The following CNTN5 variants were observed in gnomAD, a reference collection of about 807,000 sequenced individuals.
The protein encoded by CNTN5 is contactin-5.
A neutral mutation model predicts 129.1 loss-of-function variants in CNTN5; 77 were observed. The ratio of observed to expected loss-of-function variants is 0.60; its 90% CI spans 0.50 to 0.72. CNTN5 has a LOEUF of 0.72. Among genes scored for constraint, CNTN5 ranks in the 30% least tolerant of loss-of-function variants. CNTN5 has a pLI of 0.00. For missense variants in CNTN5, 1,478 were observed against 1,328.8 expected, an observed-to-expected ratio of 1.11 and a Z score of -1.75; for synonymous variants, 509 against 465.6, an observed-to-expected ratio of 1.09 and a Z score of -1.20.
chr11:100,021,245 ATT>A (rs1351203008), intron 9 of CNTN5, among the ~76,000 whole-genome samples: 1 of 152,112 alleles, frequency 6.6e-6, no homozygotes, highest in Non-Finnish European at 1.5e-5. Context: ...AATTTGTTGT[ATT>A]TTGGTAAATG....
intron 2 of CNTN5, among the ~76,000 whole-genome samples, chr11:99,477,126 G>A (rs1197747134): frequency 6.6e-6 from 1 of 151,504 alleles, no homozygotes; most frequent in Non-Finnish European, 1.5e-5. Context: ...AAAATATTTA[G>A]TTAATATCCT....
Position 99,575,593 on chromosome 11 carries a change from T to C in CNTN5, c.55+19324T>C, listed in dbSNP as rs76871937. Among the ~76,000 whole-genome samples, 656 of 152,270 alleles carry C rather than the reference T, an allele frequency of 4.3e-3. 28 individuals carry two copies. In the East Asian group the frequency reaches 0.098, roughly 23 times the overall value. ...GTAAGAGCATAGAAACTAGATTCTG[T>C]TTTCCAAAGTAAGTTGATAAAAGCT... On this transcript the variant is annotated intron_variant, in intron 3 of 24. Transcript: ENST00000524871.
chr11:99,149,497 A>G lies in CNTN5; in HGVS notation c.-210+128227A>G, dbSNP rs560561709. ...TATTATTTTAGAATACTAGATGTAT[A>G]AAATCATAATTATGAAGGTTCACAT... On this transcript the variant is annotated intron_variant, in intron 1 of 24. Transcript: ENST00000524871. Among the ~76,000 whole-genome samples the G allele has an allele frequency of 4.5e-4, 69 of 152,276 alleles. 1 individual carries two copies. The highest frequency in any genetic ancestry group is 1.6e-3 in the African/African-American group (68 of 41,568).
At chr11:99,986,053 T>C (rs1938653508) in intron 8 of CNTN5, among the ~76,000 whole-genome samples, 1 of 152,222 alleles carries the variant, frequency 6.6e-6, no homozygotes, top group South Asian at 2.1e-4. Context: ...TAATTATGTT[T>C]ACTACTTCCA....
intron 1 of CNTN5, among the ~76,000 whole-genome samples, chr11:99,236,545 CT>C (rs1861279121): frequency 6.6e-6 from 1 of 151,734 alleles, no homozygotes; most frequent in Admixed American, 6.6e-5. Context: ...TCTGCTTCAA[CT>C]GTTTACTAAA....
chr11:99,213,389 C>G (rs1390708546), intron 1 of CNTN5, among the ~76,000 whole-genome samples: 1 of 133,450 alleles, frequency 7.5e-6, no homozygotes, highest in Admixed American at 7.5e-5. Flanking sequence ...TACATATATA[C>G]ACGTGTATAT....
intron 3 of CNTN5, among the ~76,000 whole-genome samples, chr11:99,564,401 A>C (rs1948939184): frequency 6.6e-6 from 1 of 152,108 alleles, no homozygotes; most frequent in Non-Finnish European, 1.5e-5. Flanking sequence ...AATTCTGTTT[A>C]TAGCAAAAGT....
chr11:99,972,330 CAG>C lies in CNTN5; in HGVS notation c.877+15324_877+15325del, dbSNP rs568902562. 1.0e-3 allele frequency among the ~76,000 whole-genome samples: 134 copies of C among 129,086 alleles called. 1 individual carries two copies. Among genetic ancestry groups the C allele is most frequent in the African/African-American group, 3.6e-3 (118 of 32,706 alleles). 84.7% of individuals were successfully genotyped at this position (129,086 alleles called of 152,430 possible). On this transcript the variant is annotated intron_variant, in intron 8 of 24. Coordinates refer to ENST00000524871, the MANE Select transcript of CNTN5 (RefSeq NM_014361.4). ...TATTGGGTCATACTTCAGATCTGCC[CAG>C]AGTTTCTGGGGCAGTCCTAGAAAGC...
chr11:100,107,291 G>A (rs893047864), intron 13 of CNTN5, among the ~76,000 whole-genome samples: 9 of 151,974 alleles, frequency 5.9e-5, no homozygotes, highest in African/African-American at 2.2e-4. Context: ...AAATACAAGA[G>A]TTTCTGACAA....
Position 99,758,789 on chromosome 11 carries a change from G to A in CNTN5, c.56-60755G>A, listed in dbSNP as rs552056591. Among the ~76,000 whole-genome samples, 4 of 152,088 alleles carry A rather than the reference G, an allele frequency of 2.6e-5. 1 individual carries two copies. In the South Asian group the frequency reaches 8.3e-4, roughly 32 times the overall value. ...GAGGAAATAGTATTTGTGAGAAAATGCACAGGAGCAAAAATTATGCAAGCA... is the reference window on the plus strand; with the variant it reads ...GAGGAAATAGTATTTGTGAGAAAATACACAGGAGCAAAAATTATGCAAGCA... On this transcript the variant is annotated intron_variant, in intron 3 of 24. Coordinates refer to ENST00000524871, the MANE Select transcript of CNTN5 (RefSeq NM_014361.4).
intron 1 of CNTN5, among the ~76,000 whole-genome samples, chr11:99,094,776 C>A (rs918242105): frequency 6.6e-6 from 1 of 151,876 alleles, no homozygotes; most frequent in Non-Finnish European, 1.5e-5. Flanking sequence ...CCTGTGGATA[C>A]TAAAGAGCCC....
chr11:99,415,189 A>G (rs1942595099), intron 2 of CNTN5, among the ~76,000 whole-genome samples: 1 of 152,192 alleles, frequency 6.6e-6, no homozygotes, highest in African/African-American at 2.4e-5. Context: ...CAACAGATTT[A>G]TTTAATCAAA....
intron 2 of CNTN5, among the ~76,000 whole-genome samples, chr11:99,438,218 A>G (rs556401901): frequency 3.3e-5 from 5 of 152,184 alleles, no homozygotes; most frequent in Non-Finnish European, 7.3e-5. Context: ...GAAAGTGCCA[A>G]ATCATAATTT....
chr11:99,024,976 G>A (rs1051412213), intron 1 of CNTN5, among the ~76,000 whole-genome samples: 1 of 151,906 alleles, frequency 6.6e-6, no homozygotes, highest in Non-Finnish European at 1.5e-5. Context: ...TTTAAAACAC[G>A]GGTGTAAAGT....
intron 16 of CNTN5, among the ~76,000 whole-genome samples, chr11:100,251,181 G>C (rs1325039284): frequency 2.0e-5 from 3 of 152,058 alleles, no homozygotes; most frequent in Non-Finnish European, 4.4e-5. Context: ...ACATCAATCT[G>C]TTATTTTCTG....
intron 13 of CNTN5, among the ~76,000 whole-genome samples, chr11:100,082,997 C>T (rs1046200852): frequency 2.0e-5 from 3 of 151,916 alleles, no homozygotes; most frequent in Admixed American, 1.3e-4. Flanking sequence ...GAAGCAGGCA[C>T]CTCACATGGC....
intron 1 of CNTN5, among the ~76,000 whole-genome samples, chr11:99,068,549 G>T (rs138916364): frequency 3.8e-3 from 575 of 152,264 alleles, no homozygotes; most frequent in African/African-American, 0.013. Flanking sequence ...AAGGATGCCC[G>T]TGAGAAGCAG....
chr11:99,891,329 CTTTTTA>C (rs1949052441), intron 6 of CNTN5, among the ~76,000 whole-genome samples: 1 of 149,706 alleles, frequency 6.7e-6, no homozygotes, highest in South Asian at 2.1e-4. Flanking sequence ...GTCCCAATAT[CTTTTTA>C]TTATTATTAT....
At chr11:99,916,232 G>C in intron 7 of CNTN5, 83 bp downstream of exon 7, 1 of 1,028,050 alleles carries the variant, frequency 9.7e-7, no homozygotes, top group Non-Finnish European at 1.5e-6. Context: ...ATTGATGGGA[G>C]AACATTTCAG....
Sources: gnomAD v4.1 joint callset for allele counts (sites outside exome capture counted in the v4.1 genomes callset) on GRCh38, gnomAD v4.1.1 for gene constraint, MANE v1.5 for transcripts, NCBI Gene and HGNC (gene_info 2026-07-23, HGNC 2026-07-21) for gene names.